Variants in TANGO6 observed in about 807,000 individuals in gnomAD.
The protein encoded by TANGO6 is transport and golgi organization 6 homolog.
TANGO6 carries 90 observed loss-of-function variants against 114.2 expected under a neutral mutation model. The ratio of observed to expected loss-of-function variants is 0.79; its 90% CI spans 0.66 to 0.94. The LOEUF is 0.94. Among genes scored for constraint, TANGO6 ranks in the 40% least tolerant of loss-of-function variants. The probability of loss-of-function intolerance (pLI) is 0.00; values close to 1 mark genes in which losing one functional copy is unlikely to be tolerated. For missense variants in TANGO6, 1,274 were observed against 1,315.3 expected, an observed-to-expected ratio of 0.97 and a Z score of 0.49; for synonymous variants, 477 against 509.8, an observed-to-expected ratio of 0.94 and a Z score of 0.87.
intron 16 of TANGO6, 144 bp downstream of exon 16, chr16:69,023,123 T>G: frequency 1.2e-6 from 1 of 819,798 alleles, no homozygotes; most frequent in Non-Finnish European, 1.8e-6. Flanking sequence ...GCCATTGAAC[T>G]TCCCAAGGCT....
intron 15 of TANGO6, among the ~76,000 whole-genome samples, chr16:69,000,653 A>G (rs1253080469): frequency 5.9e-5 from 9 of 151,742 alleles, no homozygotes; most frequent in Admixed American, 5.3e-4. Context: ...GTGCAGTGGC[A>G]TAATCTCAGC....
intron 15 of TANGO6, among the ~76,000 whole-genome samples, chr16:68,988,140 C>A (rs1487812984): frequency 6.6e-6 from 1 of 152,142 alleles, no homozygotes; most frequent in East Asian, 1.9e-4. Context: ...TGCCTTGCTG[C>A]CTCCACTTTC....
At chr16:68,940,092 C>T (rs1214677175) in intron 14 of TANGO6, among the ~76,000 whole-genome samples, 1 of 148,878 alleles carries the variant, frequency 6.7e-6, no homozygotes, top group African/African-American at 2.5e-5. Context: ...CTCTCTCTCT[C>T]TCCTTCCTTC....
intron 1 of TANGO6, among the ~76,000 whole-genome samples, chr16:68,854,551 G>A (rs1334019091): frequency 6.6e-6 from 1 of 151,154 alleles, no homozygotes; most frequent in Non-Finnish European, 1.5e-5. Context: ...AAGTTTTATA[G>A]TTTAGATTTT....
chr16:68,897,440 T>C (rs1962720297), intron 7 of TANGO6, among the ~76,000 whole-genome samples: 1 of 152,184 alleles, frequency 6.6e-6, no homozygotes, highest in Admixed American at 6.5e-5. Context: ...CAATAAACAT[T>C]TGTTGAATCT....
chr16:69,017,394 T>G (rs529440958), intron 15 of TANGO6, among the ~76,000 whole-genome samples: 4 of 152,314 alleles, frequency 2.6e-5, no homozygotes, highest in Admixed American at 2.6e-4. Flanking sequence ...TCATTTATTT[T>G]TAACTATAAG....
chr16:68,938,239 G>A (rs1333120913), intron 14 of TANGO6, among the ~76,000 whole-genome samples: 1 of 152,210 alleles, frequency 6.6e-6, no homozygotes, highest in African/African-American at 2.4e-5. Flanking sequence ...TCTTCCATAT[G>A]TCTGAAGAAC....
intron 17 of TANGO6, among the ~76,000 whole-genome samples, chr16:69,075,267 T>C (rs113232596): frequency 2.5e-3 from 380 of 152,098 alleles, no homozygotes; most frequent in African/African-American, 7.7e-3. Context: ...AAATGTTAAA[T>C]TATTAGCATG....
chr16:68,928,591 C>T (rs879685278), intron 13 of TANGO6, among the ~76,000 whole-genome samples: 3 of 152,088 alleles, frequency 2.0e-5, no homozygotes, highest in Admixed American at 1.3e-4. Flanking sequence ...TGAGCCACCA[C>T]ACCCATCCTT....
At chr16:69,053,018 G>T (rs1959977149) in intron 17 of TANGO6, among the ~76,000 whole-genome samples, 1 of 152,148 alleles carries the variant, frequency 6.6e-6, no homozygotes, top group Non-Finnish European at 1.5e-5. Context: ...TGAGGCAGGA[G>T]AATCGCTTGA....
intron 6 of TANGO6, among the ~76,000 whole-genome samples, chr16:68,879,943 C>G (rs1183111113): frequency 6.7e-6 from 1 of 148,478 alleles, no homozygotes; most frequent in Non-Finnish European, 1.5e-5. Flanking sequence ...TTCATCCAAT[C>G]CCCAATTTTT....
intron 14 of TANGO6, among the ~76,000 whole-genome samples, chr16:68,958,996 A>C (rs1963562656): frequency 6.6e-6 from 1 of 152,222 alleles, no homozygotes; most frequent in Admixed American, 6.5e-5. Flanking sequence ...TTTAACCTGA[A>C]GGGTTAATGT....
At chr16:69,038,333 G>A (rs1597067641) in intron 16 of TANGO6, among the ~76,000 whole-genome samples, 1 of 152,054 alleles carries the variant, frequency 6.6e-6, no homozygotes, top group Non-Finnish European at 1.5e-5. Context: ...AGGAGACTGA[G>A]GCACCAGAAT....
Position 69,022,891 on chromosome 16 carries a change from C to A in TANGO6, c.2906C>A (p.Pro969His). Reference sequence around the variant, plus strand: ...ACCTTCCTGAGGGGAGTGAGAGATCCTGATGGTGCTCACAGGGCCAGCAGC... The same window carrying A: ...ACCTTCCTGAGGGGAGTGAGAGATCATGATGGTGCTCACAGGGCCAGCAGC... ...IHTFLRGVRDPDGAHRASSLA... is the reference protein window; with the variant it reads ...IHTFLRGVRDHDGAHRASSLA... Residue 969 changes from proline (P) to histidine (H), a missense_variant, in exon 16 of 18, where the codon CCT becomes CAT. By Grantham distance (77) the Pro-to-His change is moderately conservative (BLOSUM62 -2). Transcript: ENST00000261778. 6.3e-7 allele frequency: 1 copy of A among 1,597,404 alleles called. No homozygotes were observed. Among genetic ancestry groups the A allele is most frequent in the Non-Finnish European group, 8.5e-7 (1 of 1,171,702 alleles).
intron 10 of TANGO6, among the ~76,000 whole-genome samples, chr16:68,908,435 G>A (rs1962881163): frequency 6.6e-6 from 1 of 152,102 alleles, no homozygotes; most frequent in Non-Finnish European, 1.5e-5. Context: ...AGCACTTTGG[G>A]AGGCCGAGCC....
rs544978423 is a variant in TANGO6, at chr16:69,069,866, A to G, written c.3109-13619A>G. Among the ~76,000 whole-genome samples the G allele has an allele frequency of 3.9e-5, 6 of 152,246 alleles. No individual in the cohort carries two copies. The South Asian group carries it at 1.2e-3, about 32-fold the overall frequency. ...GATCTTGGATCTCGCGCAAGAAAGA[A>G]TTCAGGGCGAGTCCACATTGCAAAG... On this transcript the variant is annotated intron_variant, in intron 17 of 17. Coordinates refer to ENST00000261778, the MANE Select transcript of TANGO6 (RefSeq NM_024562.2).
chr16:68,917,273 G>A (rs1244779157), intron 11 of TANGO6, among the ~76,000 whole-genome samples: 1 of 151,978 alleles, frequency 6.6e-6, no homozygotes, highest in African/African-American at 2.4e-5. Flanking sequence ...CCATTGTTTG[G>A]ATGTATCACA....
intron 17 of TANGO6, among the ~76,000 whole-genome samples, chr16:69,043,906 G>A (rs1388713361): frequency 6.6e-6 from 1 of 152,166 alleles, no homozygotes; most frequent in Non-Finnish European, 1.5e-5. Context: ...TGTGGTTGTG[G>A]CAGCTGGAAA....
At chr16:69,008,010 A>G (rs1964109338) in intron 15 of TANGO6, among the ~76,000 whole-genome samples, 1 of 151,950 alleles carries the variant, frequency 6.6e-6, no homozygotes, top group Admixed American at 6.6e-5. Flanking sequence ...TTGTGTTGTA[A>G]GAGTTCTTTA....
Sources: gnomAD v4.1 joint callset for allele counts (sites outside exome capture counted in the v4.1 genomes callset) on GRCh38, gnomAD v4.1.1 for gene constraint, MANE v1.5 for transcripts, NCBI Gene and HGNC (gene_info 2026-07-23, HGNC 2026-07-21) for gene names.